Variants in ZBTB8B observed in about 807,000 individuals in gnomAD.
The protein encoded by ZBTB8B is zinc finger and BTB domain containing 8B, also known as zinc finger and BTB domain-containing protein 8B.
ZBTB8B carries 17 observed loss-of-function variants against 30.3 expected under a neutral mutation model. The observed-to-expected ratio is 0.56, with a 90% CI of 0.38 to 0.84. The LOEUF (loss-of-function observed/expected upper bound fraction) is 0.84, where lower values mean the gene tolerates loss of function less well. ZBTB8B is among the 40% of genes least tolerant of loss of function. The probability of loss-of-function intolerance (pLI) is 0.00; values close to 1 mark genes in which losing one functional copy is unlikely to be tolerated. For synonymous variants in ZBTB8B, 248 were observed against 255.6 expected (o/e 0.97, Z 0.28); for missense variants, 515 against 644.9 (o/e 0.80, Z 2.18).
In ZBTB8B at chr1:32,489,296, A is replaced by G. The variant is rs1643764989; in HGVS notation, c.*3878A>G. On this transcript the variant is annotated 3_prime_UTR_variant, in exon 4 of 4. Transcript: ENST00000609129. ...GGTTCTGATCATTTTGTTAATTTTT[A>G]AAGTAGCAGAATCACTGGGAAGAAA... is the stretch of plus-strand genomic sequence containing the variant. The G allele has an allele frequency of 6.6e-6, 1 of 152,226 alleles. No homozygotes were observed. Among genetic ancestry groups the G allele is most frequent in the South Asian group, 2.1e-4 (1 of 4,832 alleles). 9.4% of individuals were successfully genotyped at this position (152,226 alleles called of 1,614,324 possible).
intron 2 of ZBTB8B, among the ~76,000 whole-genome samples, chr1:32,478,598 A>G (rs1265847208): frequency 6.6e-6 from 1 of 152,192 alleles, no homozygotes; most frequent in Admixed American, 6.6e-5. Flanking sequence ...AATCTCACAT[A>G]TGTGAGCAGT....
chr1:32,472,015 C>G (rs986697050), intron 2 of ZBTB8B, among the ~76,000 whole-genome samples: 1 of 151,160 alleles, frequency 6.6e-6, no homozygotes, highest in Non-Finnish European at 1.5e-5. Flanking sequence ...ATCATCATCA[C>G]TACCATCATC....
chr1:32,487,550 TATC>T lies in ZBTB8B; in HGVS notation c.*2135_*2137del, dbSNP rs1330489577. ...CTCTTATCACAGGTAGTTCGATAAA[TATC>T]ATTCTTGGCTGTGTGCGGTGGCTCA... is the stretch of plus-strand genomic sequence containing the variant. On this transcript the variant is annotated 3_prime_UTR_variant, in exon 4 of 4. Transcript: ENST00000609129. 9.8e-5 allele frequency: 15 copies of T among 152,360 alleles called. No homozygotes were observed. The highest frequency in any genetic ancestry group is 2.6e-4 in the African/African-American group (11 of 41,596). The allele number at this position is 152,360 out of a possible 1,614,324, so 9.4% of individuals were successfully genotyped here.
At chr1:32,476,936 C>T (rs1009904348) in intron 2 of ZBTB8B, among the ~76,000 whole-genome samples, 2 of 152,178 alleles carry the variant, frequency 1.3e-5, no homozygotes, top group Non-Finnish European at 2.9e-5. Flanking sequence ...ATAGTGAGTG[C>T]TCAGTATAAA....
intron 1 of ZBTB8B, among the ~76,000 whole-genome samples, chr1:32,470,262 A>G (rs1269265073): frequency 6.6e-6 from 1 of 152,090 alleles, no homozygotes; most frequent in Non-Finnish European, 1.5e-5. Flanking sequence ...GCGCTTTGGG[A>G]GGCCGAGGCG....
At chr1:32,469,502 G>A (rs988026250) in intron 1 of ZBTB8B, among the ~76,000 whole-genome samples, 3 of 152,002 alleles carry the variant, frequency 2.0e-5, no homozygotes, top group Admixed American at 6.6e-5. Flanking sequence ...TGATCTGCCC[G>A]CCTCAGCCTC....
At chr1:32,476,064 C>T (rs866345222) in intron 2 of ZBTB8B, among the ~76,000 whole-genome samples, 19 of 152,090 alleles carry the variant, frequency 1.2e-4, no homozygotes, top group African/African-American at 3.4e-4. Context: ...GTGATCCACC[C>T]GCCTCAGCCT....
rs1643749359 is a variant in ZBTB8B, at chr1:32,486,786, C to T, written c.*1368C>T. 6.6e-6 allele frequency: 1 copy of T among 152,170 alleles called. No individual in the cohort carries two copies. The allele number at this position is 152,170 out of a possible 1,614,324, so 9.4% of individuals were successfully genotyped here. ...TTGAGTCCTGCCTTCTACCTCCTTG[C>T]CTAGAACTTTAATTGGAGGGAAAGT... On this transcript the variant is annotated 3_prime_UTR_variant, in exon 4 of 4. Coordinates refer to ENST00000609129, the MANE Select transcript of ZBTB8B (RefSeq NM_001145720.2).
intron 1 of ZBTB8B, among the ~76,000 whole-genome samples, chr1:32,466,386 A>AT (rs1643570428): frequency 6.6e-6 from 1 of 152,190 alleles, no homozygotes; most frequent in Admixed American, 6.6e-5. Flanking sequence ...CATTGTATGT[A>AT]GCCGGTAACC....
chr1:32,466,512 C>T (rs1225077314), intron 1 of ZBTB8B, among the ~76,000 whole-genome samples: 1 of 152,040 alleles, frequency 6.6e-6, no homozygotes, highest in African/African-American at 2.4e-5. Context: ...AGTGGTGATC[C>T]TCAGCACTTC....
At position 32,490,698 on chromosome 1, in the gene ZBTB8B, T is replaced by A. The variant is rs1570267149; in HGVS notation, c.*5280T>A. On this transcript the variant is annotated 3_prime_UTR_variant, in exon 4 of 4. Transcript: ENST00000609129. ...TCCGCCTCCTGGGTTCATGCCATTC[T>A]CCTGCCTCAGCCTCCTGAGTAGCTG... 1 of 152,180 alleles carries A rather than the reference T, an allele frequency of 6.6e-6. No homozygotes were observed. 9.4% of individuals were successfully genotyped at this position (152,180 alleles called of 1,614,324 possible).
rs1052132399 is a variant in ZBTB8B, at chr1:32,484,102, G to A, written c.1171-999G>A. On this transcript the variant is annotated intron_variant, in intron 3 of 3. Coordinates refer to ENST00000609129, the MANE Select transcript of ZBTB8B (RefSeq NM_001145720.2). The surrounding 1 kb of genome is among the most constrained non-coding windows in gnomAD (Gnocchi z 4.5). ...GGGCGCCTGTGGTCCCAGCTGCTTG[G>A]GAGGCTGGAGGGGGAGGATCGCTTG... Among the ~76,000 whole-genome samples the A allele has an allele frequency of 6.6e-6, 1 of 151,998 alleles. No individual in the cohort carries two copies. Among genetic ancestry groups the A allele is most frequent in the African/African-American group, 2.4e-5 (1 of 41,364 alleles).
rs960395659 is a variant in ZBTB8B at position 32,471,608 on chromosome 1, G to C, written c.984G>C (p.Glu328Asp). 1.5e-5 allele frequency: 24 copies of C among 1,548,868 alleles called. No homozygotes were observed. The highest frequency in any genetic ancestry group is 2.1e-5 in the Non-Finnish European group (24 of 1,144,746). Residue 328 changes from glutamate to aspartate, a missense_variant, in exon 2 of 4, where the codon GAG becomes GAC. Physicochemically the swap from Glu to Asp is conservative, Grantham distance 45. Transcript: ENST00000609129. ...MMDVQADWYG[E>D]DSGDVLVVPI... is the part of the protein sequence containing the mutation. ...ATGTCCAGGCTGACTGGTATGGAGA[G>C]GACTCAGGTGAGCTCCCTTAGCATT...
At chr1:32,466,796 C>G (rs1643574186) in intron 1 of ZBTB8B, among the ~76,000 whole-genome samples, 1 of 152,016 alleles carries the variant, frequency 6.6e-6, no homozygotes, top group South Asian at 2.1e-4. Context: ...TAGATCAGAC[C>G]ATACTACAAG....
At position 32,492,296 on chromosome 1, in the gene ZBTB8B, CTTTTT is replaced by C; in HGVS notation, c.*6897_*6901del. Reference sequence around the variant, plus strand: ...AAACACAGGCTCTTGGTAACCGTGCCTTTTTTTTTTTTTTTTTTTTTTTAAAGATG... The same window carrying C: ...AAACACAGGCTCTTGGTAACCGTGCCTTTTTTTTTTTTTTTTTTAAAGATG... On this transcript the variant is annotated 3_prime_UTR_variant, in exon 4 of 4. Transcript: ENST00000609129. 1.6e-5 allele frequency: 2 copies of C among 122,880 alleles called. No homozygotes were observed. The highest frequency in any genetic ancestry group is 3.4e-5 in the Non-Finnish European group (2 of 59,610). 7.6% of individuals were successfully genotyped at this position (122,880 alleles called of 1,614,324 possible).
chr1:32,485,189 T>C lies in ZBTB8B; in HGVS notation c.1259T>C (p.Leu420Pro). Reference sequence around the variant, plus strand: ...TCCCAGGGGCTGCGGCGCTTCGGGCTGTGTGACAGCTGCACCTGCGTTACA... The same window carrying C: ...TCCCAGGGGCTGCGGCGCTTCGGGCCGTGTGACAGCTGCACCTGCGTTACA... Reference protein sequence around the residue: ...HLSQGLRRFGLCDSCTCVTDT... With the variant: ...HLSQGLRRFGPCDSCTCVTDT... The change falls in exon 4 of 4, where the codon CTG becomes CCG. Residue 420 changes from leucine to proline, a missense_variant. This residue lies in a region of ZBTB8B where 429 missense variants were observed against 504.3 expected (regional missense o/e 0.85). Coordinates refer to ENST00000609129, the MANE Select transcript of ZBTB8B (RefSeq NM_001145720.2). The C allele has an allele frequency of 2.6e-6, 4 of 1,552,010 alleles. No homozygotes were observed. Among genetic ancestry groups the C allele is most frequent in the Non-Finnish European group, 3.5e-6 (4 of 1,147,050 alleles).
chr1:32,483,280 C>G (rs1242175067), intron 3 of ZBTB8B, among the ~76,000 whole-genome samples: 1 of 139,420 alleles, frequency 7.2e-6, no homozygotes, highest in Non-Finnish European at 1.6e-5. Flanking sequence ...AAAAAATTAG[C>G]CAGGCTTGGT....
rs374528939 is a variant in ZBTB8B at position 32,480,980 on chromosome 1, C to T, written c.1081C>T (p.Arg361Cys). The change falls in exon 3 of 4, where the codon CGT (arginine) becomes TGT (cysteine). Residue 361 changes from arginine (R) to cysteine (C), a missense_variant. Arg to Cys is a radical substitution (Grantham distance 180). Coordinates refer to ENST00000609129, the MANE Select transcript of ZBTB8B (RefSeq NM_001145720.2). The part of the protein sequence containing the change: ...KQKGILKRHI[R>C]SHTGERPYPC... ...GAAGGGCATCCTCAAGCGGCACATC[C>T]GTTCACACACAGGCGAGCGGCCCTA... 15 of 1,552,290 alleles carry T rather than the reference C, an allele frequency of 9.7e-6. No homozygotes were observed. The highest frequency in any genetic ancestry group is 6.8e-5 in the African/African-American group (5 of 73,062).
chr1:32,468,221 C>T (rs1643588288), intron 1 of ZBTB8B, among the ~76,000 whole-genome samples: 1 of 152,108 alleles, frequency 6.6e-6, no homozygotes, highest in African/African-American at 2.4e-5. Flanking sequence ...TGAGTTGGGG[C>T]TCCAATGTTG....
Sources: gnomAD v4.1 joint callset for allele counts (sites outside exome capture counted in the v4.1 genomes callset) on GRCh38, gnomAD v4.1.1 for gene constraint, gnomAD v4.1.1 regional missense constraint, Gnocchi (gnomAD v3.1) non-coding constraint, MANE v1.5 for transcripts, NCBI Gene and HGNC (gene_info 2026-07-23, HGNC 2026-07-21) for gene names.